Variants in DAB1 observed in about 807,000 individuals in gnomAD.
The protein encoded by DAB1 is disabled homolog 1.
A neutral mutation model predicts 64.6 loss-of-function variants in DAB1; 15 were observed. The observed-to-expected ratio is 0.23, with a 90% CI of 0.16 to 0.36. The LOEUF (loss-of-function observed/expected upper bound fraction) is 0.36, where lower values mean the gene tolerates loss of function less well. Among genes scored for constraint, DAB1 ranks in the 10% least tolerant of loss-of-function variants. The probability of loss-of-function intolerance (pLI) is 1.00; values close to 1 mark genes in which losing one functional copy is unlikely to be tolerated. For synonymous variants in DAB1, 235 were observed against 251.9 expected, an observed-to-expected ratio of 0.93 and a Z score of 0.64; for missense variants, 596 against 706.7, an observed-to-expected ratio of 0.84 and a Z score of 1.78.
intron 5 of DAB1, among the ~76,000 whole-genome samples, chr1:57,964,662 TTCA>T (rs759503879): frequency 3.3e-5 from 5 of 152,246 alleles, no homozygotes; most frequent in Non-Finnish European, 7.3e-5. Context: ...CATTCATTTA[TTCA>T]TTCAATGCTT....
chr1:58,241,249 T>A (rs1660281675), intron 4 of DAB1, among the ~76,000 whole-genome samples: 1 of 152,110 alleles, frequency 6.6e-6, no homozygotes. Flanking sequence ...TTTTTTTATT[T>A]GAAACATTTT....
Position 57,272,213 on chromosome 1 carries a change from A to G in DAB1, c.67+18751T>C, listed in dbSNP as rs78122226. ...AACTGCATGATTCCAGAGGAGGCCA[A>G]TGTGAAGGCTGAGCATTCAGCCTTA... On this transcript the variant is annotated intron_variant, in intron 2 of 14. Transcript: ENST00000371236. 9.2e-3 allele frequency among the ~76,000 whole-genome samples: 1,401 copies of G among 152,306 alleles called. 16 individuals are homozygous for G. Among genetic ancestry groups the G allele is most frequent in the African/African-American group, 0.032 (1,317 of 41,564 alleles).
At chr1:58,415,655 T>C (rs1262718184) in intron 3 of DAB1, among the ~76,000 whole-genome samples, 1 of 152,244 alleles carries the variant, frequency 6.6e-6, no homozygotes, top group Non-Finnish European at 1.5e-5. Context: ...TTTCTCTTCC[T>C]CCCTACCCAT....
intron 3 of DAB1, among the ~76,000 whole-genome samples, chr1:58,449,858 C>T (rs545856158): frequency 1.3e-5 from 2 of 152,232 alleles, no homozygotes; most frequent in Admixed American, 6.5e-5. Flanking sequence ...TTCTTTGTAG[C>T]CCAAGAATTT....
intron 11 of DAB1, among the ~76,000 whole-genome samples, chr1:57,016,594 A>G (rs1646440351): frequency 7.2e-6 from 1 of 139,420 alleles, no homozygotes; most frequent in Admixed American, 7.1e-5. Context: ...CTTGTCTCTA[A>G]AAAAAAAAAA....
At chr1:57,497,877 G>T (rs1317737103) in intron 7 of DAB1, among the ~76,000 whole-genome samples, 1 of 152,208 alleles carries the variant, frequency 6.6e-6, no homozygotes, top group Non-Finnish European at 1.5e-5. Flanking sequence ...AATTAGTTCT[G>T]TATTCTTAAA....
chr1:58,454,613 T>A (rs2100300260), intron 3 of DAB1, among the ~76,000 whole-genome samples: 1 of 152,226 alleles, frequency 6.6e-6, no homozygotes, highest in East Asian at 1.9e-4. Flanking sequence ...CCACACCTCC[T>A]TGCTTTCTAA....
At chr1:57,769,668 G>A (rs1453456518) in intron 6 of DAB1, among the ~76,000 whole-genome samples, 1 of 152,180 alleles carries the variant, frequency 6.6e-6, no homozygotes, top group Admixed American at 6.6e-5. Context: ...GAGTGCCTGA[G>A]TTGGGACTCT....
intron 7 of DAB1, among the ~76,000 whole-genome samples, chr1:57,480,118 C>T (rs962265012): frequency 1.1e-4 from 17 of 148,956 alleles, no homozygotes; most frequent in African/African-American, 4.0e-4. Flanking sequence ...CGCCACTGCA[C>T]TCCAGCCTGG....
intron 6 of DAB1, among the ~76,000 whole-genome samples, chr1:57,767,193 G>T (rs1379517830): frequency 6.6e-6 from 1 of 152,082 alleles, no homozygotes; most frequent in Non-Finnish European, 1.5e-5. Flanking sequence ...CAAACCTTTA[G>T]TCACCTGGTT....
Position 57,520,056 on chromosome 1 carries a change from T to A in DAB1, n.625+129536A>T, listed in dbSNP as rs1232714145. ...TATGTTCTGATTCTAACTAGCTGCA[T>A]GACTTTAACAAGTTATTTTACCTCT... On this transcript the variant is annotated intron_variant and non_coding_transcript_variant, in intron 7 of 20. Transcript: ENST00000485760. Among the ~76,000 whole-genome samples, 5 of 152,218 alleles carry A rather than the reference T, an allele frequency of 3.3e-5. No individual in the cohort carries two copies. The South Asian group carries it at 1.0e-3, about 31-fold the overall frequency.
At chr1:58,119,572 CT>C (rs1652611619) in intron 5 of DAB1, among the ~76,000 whole-genome samples, 1 of 152,074 alleles carries the variant, frequency 6.6e-6, no homozygotes, top group African/African-American at 2.4e-5. Context: ...AACAGGCTAG[CT>C]ATGATGGACA....
chr1:58,321,184 A>G (rs1662673545), intron 4 of DAB1, among the ~76,000 whole-genome samples: 1 of 152,328 alleles, frequency 6.6e-6, no homozygotes, highest in Non-Finnish European at 1.5e-5. Context: ...ATGTCCTCCA[A>G]TTTATACACT....
Position 58,524,625 on chromosome 1 carries a change from A to G in DAB1, n.107+2636T>C, listed in dbSNP as rs140299489. Among the ~76,000 whole-genome samples, 13 of 152,236 alleles carry G rather than the reference A, an allele frequency of 8.5e-5. No homozygotes were observed. In the East Asian group the frequency reaches 2.5e-3, roughly 29 times the overall value. ...CACAAATTTTCTTTTCCTTTTTTCA[A>G]CGGTCCTTATTCTGGATTCGTTTAT... is the stretch of plus-strand genomic sequence containing the variant. On this transcript the variant is annotated intron_variant and non_coding_transcript_variant, in intron 2 of 20. Transcript: ENST00000485760.
intron 7 of DAB1, among the ~76,000 whole-genome samples, chr1:57,565,571 G>A (rs1411162081): frequency 6.6e-6 from 1 of 152,156 alleles, no homozygotes; most frequent in African/African-American, 2.4e-5. Context: ...ATAAAGGGAT[G>A]GAGGAAGATC....
At chr1:57,658,785 G>A (rs1313659339) in intron 6 of DAB1, among the ~76,000 whole-genome samples, 1 of 152,102 alleles carries the variant, frequency 6.6e-6, no homozygotes. Context: ...GGCTAGGCTG[G>A]TCTCCAACTC....
intron 5 of DAB1, among the ~76,000 whole-genome samples, chr1:58,101,791 C>G (rs1344563186): frequency 6.6e-6 from 1 of 152,068 alleles, no homozygotes; most frequent in Non-Finnish European, 1.5e-5. Flanking sequence ...CTAACAGATC[C>G]CAAACAGAAG....
chr1:58,365,307 T>G (rs1644206551), intron 3 of DAB1, among the ~76,000 whole-genome samples: 1 of 152,134 alleles, frequency 6.6e-6, no homozygotes, highest in African/African-American at 2.4e-5. Flanking sequence ...AGAGTCATAG[T>G]AGATAGGGAG....
chr1:57,367,814 C>T (rs534309431), intron 1 of DAB1, among the ~76,000 whole-genome samples: 1 of 152,258 alleles, frequency 6.6e-6, no homozygotes, highest in South Asian at 2.1e-4. Flanking sequence ...GCCTCCTGTT[C>T]CATAGAGCAA....
Sources: gnomAD v4.1 joint callset for allele counts (sites outside exome capture counted in the v4.1 genomes callset) on GRCh38, gnomAD v4.1.1 for gene constraint, MANE v1.5 for transcripts, NCBI Gene and HGNC (gene_info 2026-07-23, HGNC 2026-07-21) for gene names.